RNF144B: variants seen among roughly 807,000 people sequenced by gnomAD.
RNF144B encodes the protein ring finger protein 144B.
RNF144B carries 25 observed loss-of-function variants against 40.2 expected under a neutral mutation model. The ratio of observed to expected loss-of-function variants is 0.62; its 90% CI spans 0.45 to 0.87. The LOEUF (loss-of-function observed/expected upper bound fraction) is 0.87. Among genes scored for constraint, RNF144B ranks in the 40% least tolerant of loss-of-function variants. The pLI is 0.00. For missense variants in RNF144B, 365 were observed against 373.7 expected (o/e 0.98, Z 0.19); for synonymous variants, 145 against 136.3 (o/e 1.06, Z -0.44).
intron 2 of RNF144B, among the ~76,000 whole-genome samples, chr6:18,402,835 T>A (rs909468078): frequency 6.6e-6 from 1 of 152,234 alleles, no homozygotes. Flanking sequence ...GCTGTGAAGA[T>A]GGTTTCTGCT....
rs1759344592 is a variant in RNF144B, at chr6:18,457,046, G to A, written c.332-109G>A. The stretch of plus-strand genomic sequence containing the variant: ...ACTGTACTCCAGCCTGGGCGACAGA[G>A]TGAGACTCTGGTTCCAAATAAATTA... On this transcript the variant is annotated intron_variant, in intron 4 of 7. Transcript: ENST00000259939. This position sits in a 1 kb window ranked among gnomAD's most constrained non-coding sequence, Gnocchi z 5.1. 8.6e-6 allele frequency: 8 copies of A among 932,606 alleles called. No homozygotes were observed. The highest frequency in any genetic ancestry group is 1.1e-5 in the Non-Finnish European group (6 of 569,774). The allele number at this position is 932,606 out of a possible 1,614,324, so 57.8% of individuals were successfully genotyped here. A position where few individuals can be genotyped will look rare whatever the true frequency, so the allele number is the denominator to read the frequency against.
At chr6:18,439,625 C>T in intron 3 of RNF144B, 59 bp from the exon 4 acceptor site, 1 of 1,151,870 alleles carries the variant, frequency 8.7e-7, no homozygotes, top group East Asian at 2.3e-5. Context: ...AATCAAAAGG[C>T]TGGTAACTCA....
chr6:18,417,755 A>G (rs1283190111), intron 2 of RNF144B, among the ~76,000 whole-genome samples: 1 of 152,172 alleles, frequency 6.6e-6, no homozygotes, highest in East Asian at 1.9e-4. Flanking sequence ...AAAATTAAAG[A>G]CCTTTTTGCT....
At chr6:18,404,866 A>G (rs937095555) in intron 2 of RNF144B, among the ~76,000 whole-genome samples, 1 of 152,166 alleles carries the variant, frequency 6.6e-6, no homozygotes, top group Admixed American at 6.5e-5. Context: ...TTGATATGTT[A>G]GTCTAGTATC....
In RNF144B at chr6:18,439,739, A is replaced by T. The variant is rs748017554; in HGVS notation, c.326A>T (p.Glu109Val). ...CAACTTTATCAGAGGTTAAAATTTG[A>T]AAGAGGTATGAACTCTTCTTTTTTT... ...QFQLYQRLKF[E>V]REVHLDPYRT... Residue 109 changes from glutamate to valine, a missense_variant, in exon 4 of 8, where the codon GAA becomes GTA. Coordinates refer to ENST00000259939, the MANE Select transcript of RNF144B (RefSeq NM_182757.4). 2 of 1,605,586 alleles carry T rather than the reference A, an allele frequency of 1.2e-6. No individual in the cohort carries two copies. Among genetic ancestry groups the T allele is most frequent in the Non-Finnish European group, 1.7e-6 (2 of 1,172,376 alleles).
In RNF144B at chr6:18,405,062, C is replaced by T. The variant is rs1201038459; in HGVS notation, c.165+5363C>T. On this transcript the variant is annotated intron_variant, in intron 2 of 7. Coordinates refer to ENST00000259939, the MANE Select transcript of RNF144B (RefSeq NM_182757.4). This position sits in a 1 kb window ranked among gnomAD's most constrained non-coding sequence, Gnocchi z 4.5. ...CGTCTTCTACTACTATTAAATGGGCCGAACTAAGTTCTGCCAGTTCAAAGC... is the reference window on the plus strand; with the variant it reads ...CGTCTTCTACTACTATTAAATGGGCTGAACTAAGTTCTGCCAGTTCAAAGC... Among the ~76,000 whole-genome samples the T allele has an allele frequency of 1.3e-5, 2 of 151,966 alleles. No individual in the cohort carries two copies. Among genetic ancestry groups the T allele is most frequent in the East Asian group, 3.8e-4 (2 of 5,200 alleles).
At chr6:18,429,901 T>C (rs562871653) in intron 3 of RNF144B, among the ~76,000 whole-genome samples, 113 of 152,314 alleles carry the variant, frequency 7.4e-4, no homozygotes, top group African/African-American at 2.4e-3. Flanking sequence ...GCTCTTCTTA[T>C]GGAGCTTCTG....
Position 18,387,482 on chromosome 6 carries a change from A to G in RNF144B, c.-185A>G, listed in dbSNP as rs1432038835. On this transcript the variant is annotated 5_prime_UTR_variant, in exon 1 of 8. Transcript: ENST00000259939. ...GCGCAAGTCCTGTTGCAGTCTTGCA[A>G]AGTGTAAAGCTGTCAGCCGCAGAGC... is the stretch of plus-strand genomic sequence containing the variant. The G allele has an allele frequency of 7.8e-7, 1 of 1,285,494 alleles. No individual in the cohort carries two copies. The highest frequency in any genetic ancestry group is 1.2e-5 in the South Asian group (1 of 80,694). 79.6% of individuals were successfully genotyped at this position (1,285,494 alleles called of 1,614,324 possible).
At chr6:18,391,415 A>G (rs892401618) in intron 1 of RNF144B, among the ~76,000 whole-genome samples, 3 of 152,132 alleles carry the variant, frequency 2.0e-5, no homozygotes, top group African/African-American at 7.2e-5. Flanking sequence ...TGAATGCAAA[A>G]TTGCCATGCC....
intron 1 of RNF144B, 103 bp downstream of exon 1, chr6:18,387,733 T>C (rs1794487002): frequency 2.0e-6 from 2 of 1,025,402 alleles, no homozygotes; most frequent in African/African-American, 1.7e-5. Context: ...CACCACAATT[T>C]TTCGATTTTC....
chr6:18,407,275 A>G lies in RNF144B; in HGVS notation c.165+7576A>G, dbSNP rs569741372. On this transcript the variant is annotated intron_variant, in intron 2 of 7. Transcript: ENST00000259939. ...GGGCCAGGGTGAAAGCAAGAAGACT[A>G]CTTAGAAGGCAAACGTAATAATCCA... 3.4e-4 allele frequency among the ~76,000 whole-genome samples: 52 copies of G among 152,310 alleles called. No individual in the cohort carries two copies. The Middle Eastern group carries it at 0.01, about 30-fold the overall frequency.
intron 7 of RNF144B, among the ~76,000 whole-genome samples, chr6:18,463,887 A>G (rs1194236081): frequency 6.6e-6 from 1 of 152,198 alleles, no homozygotes; most frequent in Non-Finnish European, 1.5e-5. Flanking sequence ...GGCAGGCAAG[A>G]GAGCTTGTGC....
chr6:18,440,811 A>ATTTT (rs1458155116), intron 4 of RNF144B, among the ~76,000 whole-genome samples: 106 of 140,300 alleles, frequency 7.6e-4, no homozygotes, highest in East Asian at 6.9e-3. Context: ...TTTTTTTTTA[A>ATTTT]AAATCCAGCA....
Position 18,457,451 on chromosome 6 carries a change from C to T in RNF144B, c.536+92C>T. 5.2e-6 allele frequency: 5 copies of T among 965,060 alleles called. No individual in the cohort carries two copies. The highest frequency in any genetic ancestry group is 4.1e-5 in the South Asian group (3 of 73,242). The allele number at this position is 965,060 out of a possible 1,614,324, so 59.8% of individuals were successfully genotyped here. A position where few individuals can be genotyped will look rare whatever the true frequency, so the allele number is the denominator to read the frequency against. On this transcript the variant is annotated intron_variant, in intron 5 of 7. Transcript: ENST00000259939. The surrounding 1 kb of genome is among the most constrained non-coding windows in gnomAD (Gnocchi z 5.1). ...TGTAGAAGGAGTTACGTTGTGATGGCGTTTAGAGATTGGTTATTTTCCTGC... is the reference window on the plus strand; with the variant it reads ...TGTAGAAGGAGTTACGTTGTGATGGTGTTTAGAGATTGGTTATTTTCCTGC...
At chr6:18,411,530 G>A (rs1280852972) in intron 2 of RNF144B, among the ~76,000 whole-genome samples, 1 of 83,190 alleles carries the variant, frequency 1.2e-5, no homozygotes, top group African/African-American at 4.3e-5. Context: ...TTGAGACGGA[G>A]TTGTGCCCTG....
At position 18,405,457 on chromosome 6, in the gene RNF144B, G is replaced by C. The variant is rs1419037162; in HGVS notation, c.165+5758G>C. ...CCCAAAGTGCTGGGATTATAGGCGT[G>C]AGCCACCGTGCCCAGCCGCAAGGTT... On this transcript the variant is annotated intron_variant, in intron 2 of 7. Transcript: ENST00000259939. This position sits in a 1 kb window ranked among gnomAD's most constrained non-coding sequence, Gnocchi z 4.5. 6.6e-6 allele frequency among the ~76,000 whole-genome samples: 1 copy of C among 152,068 alleles called. No homozygotes were observed. Among genetic ancestry groups the C allele is most frequent in the Non-Finnish European group, 1.5e-5 (1 of 68,008 alleles).
rs143695254 is a variant in RNF144B, at chr6:18,459,653, G to A, written c.583G>A (p.Val195Ile). The A allele has an allele frequency of 1.2e-6, 2 of 1,613,938 alleles. No homozygotes were observed. Among genetic ancestry groups the A allele is most frequent in the African/African-American group, 2.7e-5 (2 of 74,892 alleles). ...DAEAPIKQCP[V>I]CRVYIERNEG... is the part of the protein sequence containing the mutation. ...AGAAGCCCCCATTAAGCAGTGCCCA[G>A]TTTGCCGGGTTTATATCGAACGCAA... Residue 195 changes from valine to isoleucine, a missense_variant, in exon 6 of 8, where the codon GTT becomes ATT. Physicochemically the swap from Val to Ile is conservative, Grantham distance 29. Coordinates refer to ENST00000259939, the MANE Select transcript of RNF144B (RefSeq NM_182757.4). This position sits in a 1 kb window ranked among gnomAD's most constrained non-coding sequence, Gnocchi z 4.2.
Position 18,459,565 on chromosome 6 carries a change from G to A in RNF144B, c.537-42G>A. 1 of 1,596,308 alleles carries A rather than the reference G, an allele frequency of 6.3e-7. No homozygotes were observed. The highest frequency in any genetic ancestry group is 8.6e-7 in the Non-Finnish European group (1 of 1,167,172). On this transcript the variant is annotated intron_variant, in intron 5 of 7. Transcript: ENST00000259939. The surrounding 1 kb of genome is among the most constrained non-coding windows in gnomAD (Gnocchi z 4.2). The stretch of plus-strand genomic sequence containing the variant: ...CAGGAGCCCTGGGAATTCAACTGAT[G>A]ACCATCAGCTGAATGCCATTTCTCA...
At chr6:18,438,716 C>G (rs1187437148) in intron 3 of RNF144B, among the ~76,000 whole-genome samples, 3 of 151,986 alleles carry the variant, frequency 2.0e-5, no homozygotes, top group African/African-American at 7.2e-5. Flanking sequence ...GTTGCAAGAA[C>G]GTCAATGTAG....
Sources: gnomAD v4.1 joint callset for allele counts (sites outside exome capture counted in the v4.1 genomes callset) on GRCh38, gnomAD v4.1.1 for gene constraint, Gnocchi (gnomAD v3.1) non-coding constraint, MANE v1.5 for transcripts, NCBI Gene and HGNC (gene_info 2026-07-23, HGNC 2026-07-21) for gene names.